Variants in BCAT1 observed in about 807,000 individuals in gnomAD.
BCAT1 encodes branched-chain-amino-acid aminotransferase, cytosolic.
Under a neutral mutation model 52.4 loss-of-function variants are expected in BCAT1, and 48 were observed. That is an observed-to-expected ratio of 0.92 (90% CI 0.73 to 1.16). The LOEUF (loss-of-function observed/expected upper bound fraction) is 1.16, where lower values mean the gene tolerates loss of function less well. BCAT1 is among the 50% of genes most tolerant of loss of function. BCAT1 has a pLI of 0.00. For missense variants in BCAT1, 451 were observed against 457.1 expected (o/e 0.99, Z 0.12); for synonymous variants, 167 against 161.3 (o/e 1.04, Z -0.27).
chr12:24,861,748 C>T (rs548873792), intron 5 of BCAT1, among the ~76,000 whole-genome samples: 7 of 152,290 alleles, frequency 4.6e-5, no homozygotes, highest in African/African-American at 1.7e-4. Context: ...CTGAGACCAC[C>T]TGTGCTCCAT....
chr12:24,879,567 A>G (rs1392666955), intron 4 of BCAT1, among the ~76,000 whole-genome samples: 1 of 152,236 alleles, frequency 6.6e-6, no homozygotes, highest in Non-Finnish European at 1.5e-5. Flanking sequence ...GACCTGTAAC[A>G]GCAATAATAA....
chr12:24,817,260 T>C lies in BCAT1; in HGVS notation c.*748A>G, dbSNP rs1199412495. ...GTACACTTCTATAGAAGCAAAATGT[T>C]CACTGATTCATTATAAAACCATTTA... On this transcript the variant is annotated 3_prime_UTR_variant, in exon 11 of 11. Coordinates refer to ENST00000261192, the MANE Select transcript of BCAT1 (RefSeq NM_005504.7). 6.6e-6 allele frequency: 1 copy of C among 152,252 alleles called. No homozygotes were observed. The highest frequency in any genetic ancestry group is 2.4e-5 in the African/African-American group (1 of 41,432). 9.4% of individuals were successfully genotyped at this position (152,252 alleles called of 1,614,324 possible).
intron 1 of BCAT1, among the ~76,000 whole-genome samples, chr12:24,943,620 G>C (rs1943881718): frequency 6.6e-6 from 1 of 150,870 alleles, no homozygotes; most frequent in Non-Finnish European, 1.5e-5. Flanking sequence ...TCTTTTATTT[G>C]TATTATTTAT....
At chr12:24,850,553 A>G (rs1367680235) in intron 5 of BCAT1, among the ~76,000 whole-genome samples, 1 of 152,212 alleles carries the variant, frequency 6.6e-6, no homozygotes, top group African/African-American at 2.4e-5. Context: ...TTTTAAGCTC[A>G]GCTTAAAGGT....
chr12:24,930,556 C>A (rs1280915491), intron 1 of BCAT1, among the ~76,000 whole-genome samples: 4 of 152,234 alleles, frequency 2.6e-5, no homozygotes, highest in African/African-American at 9.6e-5. Context: ...TCGCAAGCTA[C>A]AGATCCTCTA....
chr12:24,824,039 C>T (rs1334293384), intron 10 of BCAT1, among the ~76,000 whole-genome samples: 1 of 152,142 alleles, frequency 6.6e-6, no homozygotes, highest in Non-Finnish European at 1.5e-5. Flanking sequence ...GTCACCATTT[C>T]AATTTTGATG....
chr12:24,826,648 G>A (rs1008580574), intron 10 of BCAT1, among the ~76,000 whole-genome samples: 5 of 152,072 alleles, frequency 3.3e-5, no homozygotes, highest in Non-Finnish European at 7.4e-5. Flanking sequence ...TACATTTTAG[G>A]ATTGTTTTTT....
intron 1 of BCAT1, among the ~76,000 whole-genome samples, chr12:24,943,780 CAA>C: frequency 6.6e-6 from 1 of 152,062 alleles, no homozygotes; most frequent in South Asian, 2.1e-4. Context: ...GTCAGGAGAT[CAA>C]GACCTTCCTG....
chr12:24,866,292 C>T (rs372178795), intron 5 of BCAT1, among the ~76,000 whole-genome samples: 12 of 152,340 alleles, frequency 7.9e-5, no homozygotes, highest in Admixed American at 3.3e-4. Context: ...GATTTCTCGC[C>T]GGGCCAGATT....
intron 1 of BCAT1, among the ~76,000 whole-genome samples, chr12:24,913,806 C>T (rs1043257492): frequency 6.6e-6 from 1 of 152,146 alleles, no homozygotes; most frequent in African/African-American, 2.4e-5. Context: ...GGTGCTGGAC[C>T]CTCTCTGGAA....
intron 5 of BCAT1, among the ~76,000 whole-genome samples, chr12:24,858,532 A>C (rs951592560): frequency 1.3e-5 from 2 of 152,212 alleles, no homozygotes. Context: ...TGGAGCCATT[A>C]GATTCTAGGT....
chr12:24,864,244 G>T (rs559551160), intron 5 of BCAT1, among the ~76,000 whole-genome samples: 1 of 152,276 alleles, frequency 6.6e-6, no homozygotes, highest in African/African-American at 2.4e-5. Flanking sequence ...CTCCTCACTG[G>T]CTCCTGCCTT....
chr12:24,943,272 C>T (rs2139764778), intron 1 of BCAT1, among the ~76,000 whole-genome samples: 1 of 152,062 alleles, frequency 6.6e-6, no homozygotes, highest in African/African-American at 2.4e-5. Context: ...GTGGGTGGAT[C>T]ACTGGAGCCC....
At chr12:24,891,381 G>A (rs993695578) in intron 3 of BCAT1, among the ~76,000 whole-genome samples, 1 of 152,130 alleles carries the variant, frequency 6.6e-6, no homozygotes, top group African/African-American at 2.4e-5. Flanking sequence ...ATATGAGTTA[G>A]GAAGCCTGTG....
intron 5 of BCAT1, among the ~76,000 whole-genome samples, chr12:24,856,509 T>C (rs1385855174): frequency 6.9e-6 from 1 of 145,130 alleles, no homozygotes; most frequent in Non-Finnish European, 1.5e-5. Flanking sequence ...CCTTAATCCA[T>C]AGGCCTGCTG....
At position 24,812,851 on chromosome 12, in the gene BCAT1, T is replaced by C. The variant is rs1480257207; in HGVS notation, c.*5157A>G. ...CCAGTGAAACTATATTTTAATTCAT[T>C]CTTACACCACAGCCTACATCAATTC... On this transcript the variant is annotated 3_prime_UTR_variant, in exon 11 of 11. Transcript: ENST00000261192. 1 of 152,014 alleles carries C rather than the reference T, an allele frequency of 6.6e-6. No individual in the cohort carries two copies. The highest frequency in any genetic ancestry group is 1.5e-5 in the Non-Finnish European group (1 of 67,890). The allele number at this position is 152,014 out of a possible 1,614,324, so 9.4% of individuals were successfully genotyped here.
At chr12:24,906,896 A>ACC (rs1943234646) in intron 1 of BCAT1, among the ~76,000 whole-genome samples, 1 of 152,120 alleles carries the variant, frequency 6.6e-6, no homozygotes, top group African/African-American at 2.4e-5. Context: ...AGCTCCTCTG[A>ACC]CCCCAGCCTT....
intron 2 of BCAT1, among the ~76,000 whole-genome samples, chr12:24,898,299 G>C (rs542228008): frequency 6.6e-6 from 1 of 151,772 alleles, no homozygotes; most frequent in Admixed American, 6.6e-5. Flanking sequence ...TCGAAGTCAG[G>C]ATGTTTCACA....
intron 7 of BCAT1, among the ~76,000 whole-genome samples, chr12:24,839,518 G>C (rs1178415100): frequency 6.6e-6 from 1 of 152,194 alleles, no homozygotes; most frequent in Non-Finnish European, 1.5e-5. Context: ...CAAGCGTATG[G>C]GTTAAATTAC....
Sources: allele counts gnomAD v4.1 joint callset (sites outside exome capture counted in the v4.1 genomes callset), GRCh38; gene constraint gnomAD v4.1.1; transcripts MANE v1.5; gene names NCBI Gene and HGNC (gene_info 2026-07-23, HGNC 2026-07-21).